The following PDK3 variants were observed in gnomAD, a reference collection of about 807,000 sequenced individuals.
PDK3 encodes the protein pyruvate dehydrogenase kinase, isozyme 3.
A neutral mutation model predicts 32.0 loss-of-function variants in PDK3; 12 were observed. That is an observed-to-expected ratio of 0.37 (90% CI 0.24 to 0.61). The LOEUF (loss-of-function observed/expected upper bound fraction) is 0.61. Among genes scored for constraint, PDK3 ranks in the 20% least tolerant of loss-of-function variants. The probability of loss-of-function intolerance (pLI) is 0.65; values close to 1 mark genes in which losing one functional copy is unlikely to be tolerated. For synonymous variants in PDK3, 122 were observed against 116.3 expected (o/e 1.05, Z -0.31); for missense variants, 188 against 316.9 (o/e 0.59, Z 3.09).
At chrX:24,547,401 T>C (rs1404448714) in exon 12 of PDK3, 3 of 112,102 alleles carry the variant, frequency 2.7e-5, no homozygotes, top group Non-Finnish European at 5.6e-5. Context: ...TAGTTCAAAA[T>C]AATATTCATC....
intron 6 of PDK3, among the ~76,000 whole-genome samples, chrX:24,521,976 TAAC>T (rs1922409551): frequency 8.9e-6 from 1 of 112,188 alleles, no homozygotes; most frequent in Admixed American, 9.5e-5. Flanking sequence ...GCTTTCGCCT[TAAC>T]AAGTTCTATG....
At chrX:24,488,004 CAAAAAAAAAAA>C (rs34710130) in intron 1 of PDK3, among the ~76,000 whole-genome samples, 2 of 27,475 alleles carry the variant, frequency 7.3e-5, no homozygotes, top group Non-Finnish European at 6.5e-5. Context: ...AACTCCATCT[CAAAAAAAAAAA>C]AAAAAAAAAA....
At chrX:24,469,871 T>G (rs1458498297) in intron 1 of PDK3, among the ~76,000 whole-genome samples, 3 of 112,280 alleles carry the variant, frequency 2.7e-5, no homozygotes, top group African/African-American at 9.7e-5. Flanking sequence ...GTTACTACAG[T>G]GAAATTAACA....
At chrX:24,486,137 C>T (rs908986867) in intron 1 of PDK3, among the ~76,000 whole-genome samples, 1 of 111,465 alleles carries the variant, frequency 9.0e-6, no homozygotes, top group Non-Finnish European at 1.9e-5. Context: ...CTGGGCAGGC[C>T]CTGGCTACTT....
At chrX:24,467,521 A>G (rs911155430) in intron 1 of PDK3, among the ~76,000 whole-genome samples, 4 of 112,463 alleles carry the variant, frequency 3.6e-5, no homozygotes, top group Non-Finnish European at 7.5e-5. Context: ...ATATAGTTGT[A>G]GTGGAATTTG....
intron 1 of PDK3, among the ~76,000 whole-genome samples, chrX:24,474,149 C>G (rs1921045558): frequency 9.0e-6 from 1 of 111,274 alleles, no homozygotes; most frequent in Non-Finnish European, 1.9e-5. Context: ...CACAGCCACA[C>G]TTGCATTAAA....
exon 12 of PDK3, among the ~76,000 whole-genome samples, chrX:24,540,021 T>C (rs7062408): frequency 3.6e-3 from 405 of 112,193 alleles, no homozygotes; most frequent in African/African-American, 0.012. Context: ...AGTTTCTGTA[T>C]GATGCGCTTT....
exon 12 of PDK3, chrX:24,545,607 C>T (rs1468085414): frequency 8.9e-6 from 1 of 111,779 alleles, no homozygotes; most frequent in African/African-American, 3.3e-5. Context: ...CCACCCTGGG[C>T]AGTGCCTTTC....
intron 1 of PDK3, among the ~76,000 whole-genome samples, chrX:24,466,811 G>A (rs1012413607): frequency 1.8e-5 from 2 of 111,868 alleles, no homozygotes; most frequent in Admixed American, 9.5e-5. Flanking sequence ...TTACTATCTC[G>A]AGAATTGTAG....
rs7877946 is a variant in PDK3, at chrX:24,465,826, G to C, written c.106+265G>C. 0.44 allele frequency among the ~76,000 whole-genome samples: 48,143 copies of C among 110,443 alleles called. 8,110 individuals carry two copies. Among genetic ancestry groups the C allele is most frequent in the African/African-American group, 0.62 (18,874 of 30,303 alleles). On this transcript the variant is annotated intron_variant, in intron 1 of 10. Transcript: ENST00000379162. ...CGCAGGCGAGACTCCCCAAACCTGC[G>C]GTCGTTAGCTTCAAATCTGCTTGAC... is the stretch of plus-strand genomic sequence containing the variant.
chrX:24,496,332 C>CAT (rs1878854543), intron 2 of PDK3, among the ~76,000 whole-genome samples: 1 of 107,456 alleles, frequency 9.3e-6, no homozygotes, highest in Non-Finnish European at 1.9e-5. Context: ...TGCGTGCACA[C>CAT]ATATATATAA....
intron 5 of PDK3, among the ~76,000 whole-genome samples, chrX:24,507,842 A>T (rs1922021200): frequency 9.0e-6 from 1 of 111,612 alleles, no homozygotes; most frequent in African/African-American, 3.3e-5. Context: ...AGAGGTATTT[A>T]AAAATATTTA....
At chrX:24,502,771 G>A (rs1289031416) in intron 3 of PDK3, among the ~76,000 whole-genome samples, 1 of 110,006 alleles carries the variant, frequency 9.1e-6, no homozygotes, top group Non-Finnish European at 1.9e-5. Flanking sequence ...TTGAACCCGC[G>A]AGGTGGAGGT....
At chrX:24,496,568 C>CTTT (rs763095558) in intron 2 of PDK3, among the ~76,000 whole-genome samples, 501 of 39,188 alleles carry the variant, frequency 0.013, 21 homozygotes, top group African/African-American at 0.027. Context: ...CTACCCCCAT[C>CTTT]TTTTTTTTTT....
chrX:24,500,036 A>G, intron 3 of PDK3, among the ~76,000 whole-genome samples: 1 of 111,418 alleles, frequency 9.0e-6, no homozygotes. Context: ...TTAGCTGGTA[A>G]CCGTTTGGCA....
chrX:24,492,952 A>G (rs765691136), intron 1 of PDK3, among the ~76,000 whole-genome samples: 2 of 108,335 alleles, frequency 1.8e-5, no homozygotes, highest in African/African-American at 6.7e-5. Flanking sequence ...GTGAGTCGAG[A>G]TCATGCCATT....
chrX:24,484,618 C>G (rs1487477581), intron 1 of PDK3, among the ~76,000 whole-genome samples: 2 of 112,319 alleles, frequency 1.8e-5, no homozygotes, highest in African/African-American at 6.5e-5. Context: ...ATTAAGAACT[C>G]TATCCCAATC....
chrX:24,527,726 G>GT, intron 8 of PDK3, 51 bp downstream of exon 8: 1 of 690,977 alleles, frequency 1.4e-6, no homozygotes, highest in Non-Finnish European at 2.2e-6. Context: ...TGATTTAATA[G>GT]TATCTAGACA....
At chrX:24,479,074 G>A (rs1457293236) in intron 1 of PDK3, among the ~76,000 whole-genome samples, 1 of 112,355 alleles carries the variant, frequency 8.9e-6, no homozygotes, top group South Asian at 3.6e-4. Flanking sequence ...GAACACTCAG[G>A]CTTCTATCTG....
Sources: gnomAD v4.1 joint callset for allele counts (sites outside exome capture counted in the v4.1 genomes callset) on GRCh38, gnomAD v4.1.1 for gene constraint, MANE v1.5 for transcripts, NCBI Gene and HGNC (gene_info 2026-07-23, HGNC 2026-07-21) for gene names.